ENTREP2: variants seen among roughly 807,000 people sequenced by gnomAD.
ENTREP2 encodes endosomal transmembrane epsin interactor 2, also known as protein ENTREP2.
At chr15:29,335,726 A>G in the ENTREP2 span, among the ~76,000 whole-genome samples, 3 of 134,884 alleles carry the variant, frequency 2.2e-5, no homozygotes, top group East Asian at 1.9e-4. Context: ...CAGCTAAGAC[A>G]GTCCCCACAG....
At chr15:29,164,419 CAACT>C in the ENTREP2 span, among the ~76,000 whole-genome samples, 4 of 152,134 alleles carry the variant, frequency 2.6e-5, no homozygotes, top group Non-Finnish European at 5.9e-5. Flanking sequence ...ACTCGCCAAC[CAACT>C]ATCTGCTGCC....
chr15:29,221,613 T>C, the ENTREP2 span, among the ~76,000 whole-genome samples: 3 of 152,268 alleles, frequency 2.0e-5, no homozygotes, highest in African/African-American at 7.2e-5. Context: ...AGACATGGAA[T>C]AAGTTAGAGA....
At chr15:29,452,460 G>A in the ENTREP2 span, 1 of 152,262 alleles carries the variant, frequency 6.6e-6, no homozygotes, top group Non-Finnish European at 1.5e-5. Context: ...CTAATGTGAT[G>A]TGGCGAATAA....
chr15:29,591,324 A>C, the ENTREP2 span, among the ~76,000 whole-genome samples: 3 of 152,258 alleles, frequency 2.0e-5, no homozygotes, highest in Non-Finnish European at 4.4e-5. Flanking sequence ...GGGCAGTATC[A>C]GAACACACAG....
At chr15:29,476,918 G>A in the ENTREP2 span, among the ~76,000 whole-genome samples, 2 of 152,140 alleles carry the variant, frequency 1.3e-5, no homozygotes, top group Non-Finnish European at 2.9e-5. Flanking sequence ...CACTCTCCTA[G>A]GCATACACCC....
At chr15:29,187,667 C>G in the ENTREP2 span, among the ~76,000 whole-genome samples, 1 of 152,180 alleles carries the variant, frequency 6.6e-6, no homozygotes, top group African/African-American at 2.4e-5. Context: ...CCAACCCAGA[C>G]ACAGAAGAGG....
chr15:29,306,912 A>C, the ENTREP2 span, among the ~76,000 whole-genome samples: 2 of 151,528 alleles, frequency 1.3e-5, no homozygotes, highest in African/African-American at 2.4e-5. Flanking sequence ...TGCCTGACTA[A>C]TTTTTTGTAC....
chr15:29,627,326 C>T, the ENTREP2 span, among the ~76,000 whole-genome samples: 1,513 of 152,124 alleles, frequency 9.9e-3, 26 homozygotes, highest in African/African-American at 0.035. Flanking sequence ...GGGTGGATCA[C>T]GAGGTCAAGA....
At chr15:29,568,029 A>G in the ENTREP2 span, among the ~76,000 whole-genome samples, 1 of 152,220 alleles carries the variant, frequency 6.6e-6, no homozygotes, top group Non-Finnish European at 1.5e-5. Context: ...GAGGGCAGGC[A>G]TATATATGGC....
At chr15:29,397,369 C>T in the ENTREP2 span, among the ~76,000 whole-genome samples, 1 of 151,852 alleles carries the variant, frequency 6.6e-6, no homozygotes, top group African/African-American at 2.4e-5. Context: ...CCAGCCTGGG[C>T]GACAGAGTGA....
At chr15:29,130,318 A>G in the ENTREP2 span, among the ~76,000 whole-genome samples, 5 of 152,212 alleles carry the variant, frequency 3.3e-5, no homozygotes, top group Non-Finnish European at 7.3e-5. Context: ...TCACCCCACC[A>G]TCAGCACCCA....
At chr15:29,444,136 G>C in the ENTREP2 span, among the ~76,000 whole-genome samples, 6 of 102,458 alleles carry the variant, frequency 5.9e-5, no homozygotes, top group African/African-American at 1.8e-4. Flanking sequence ...AAGAAAGACA[G>C]ACAGAAAGAA....
the ENTREP2 span, among the ~76,000 whole-genome samples, chr15:29,185,540 C>T: frequency 1.3e-5 from 2 of 152,124 alleles, no homozygotes; most frequent in Non-Finnish European, 2.9e-5. Context: ...GTATTCTTTT[C>T]CACGGCCCCT....
At chr15:29,262,161 G>A in the ENTREP2 span, among the ~76,000 whole-genome samples, 1 of 151,584 alleles carries the variant, frequency 6.6e-6, no homozygotes, top group Non-Finnish European at 1.5e-5. Flanking sequence ...AAGATGCATG[G>A]TGTTATGATA....
At chr15:29,621,111 C>T in the ENTREP2 span, among the ~76,000 whole-genome samples, 4 of 151,876 alleles carry the variant, frequency 2.6e-5, no homozygotes, top group African/African-American at 4.8e-5. Flanking sequence ...AGGGGGCGGC[C>T]AGGCGCAGTG....
the ENTREP2 span, among the ~76,000 whole-genome samples, chr15:29,655,547 G>A: frequency 6.6e-6 from 1 of 152,160 alleles, no homozygotes; most frequent in Non-Finnish European, 1.5e-5. Context: ...GAGCAATCAA[G>A]AGAGCCAGAC....
chr15:29,391,596 A>T, the ENTREP2 span, among the ~76,000 whole-genome samples: 1 of 152,228 alleles, frequency 6.6e-6, no homozygotes, highest in Non-Finnish European at 1.5e-5. Flanking sequence ...TTTGATGCAC[A>T]TTCTCTCTTA....
chr15:29,425,540 C>T, the ENTREP2 span, among the ~76,000 whole-genome samples: 1 of 152,116 alleles, frequency 6.6e-6, no homozygotes, highest in African/African-American at 2.4e-5. Flanking sequence ...GCTTTTTACC[C>T]CAATCTAAAA....
At chr15:29,309,955 G>C in the ENTREP2 span, among the ~76,000 whole-genome samples, 2 of 152,116 alleles carry the variant, frequency 1.3e-5, no homozygotes, top group African/African-American at 4.8e-5. Flanking sequence ...AGGGAAACAC[G>C]GGGCCTGGGA....
Sources: allele counts gnomAD v4.1 joint callset (sites outside exome capture counted in the v4.1 genomes callset), GRCh38; gene constraint gnomAD v4.1.1; transcripts MANE v1.5; gene names NCBI Gene and HGNC (gene_info 2026-07-23, HGNC 2026-07-21).